The following AFG2A variants were observed in gnomAD, a reference collection of about 807,000 sequenced individuals.
AFG2A encodes ATPase family gene 2 protein homolog A.
the AFG2A span, among the ~76,000 whole-genome samples, chr4:123,051,640 CTTT>C: frequency 3.1e-5 from 3 of 96,070 alleles, no homozygotes; most frequent in Non-Finnish European, 5.7e-5. Context: ...ATTTCCTCAG[CTTT>C]TTTTTTTTTT....
the AFG2A span, among the ~76,000 whole-genome samples, chr4:123,216,001 A>G: frequency 6.6e-6 from 1 of 152,206 alleles, no homozygotes; most frequent in African/African-American, 2.4e-5. Flanking sequence ...TAGGGCAAGT[A>G]TAAAAGGACA....
the AFG2A span, among the ~76,000 whole-genome samples, chr4:123,290,282 T>C: frequency 6.6e-6 from 1 of 152,200 alleles, no homozygotes; most frequent in Non-Finnish European, 1.5e-5. Flanking sequence ...CCCAGACCCA[T>C]GTCCAGCAAT....
the AFG2A span, among the ~76,000 whole-genome samples, chr4:123,245,434 C>G: frequency 0.01 from 1,559 of 152,094 alleles, 29 homozygotes; most frequent in African/African-American, 0.036. Flanking sequence ...CACTTTGCCC[C>G]TATAGTTTTT....
At chr4:123,002,515 C>G in the AFG2A span, among the ~76,000 whole-genome samples, 5 of 152,108 alleles carry the variant, frequency 3.3e-5, no homozygotes, top group South Asian at 6.2e-4. Context: ...GACAAAATCT[C>G]TCAGCATTTG....
At chr4:123,024,612 A>G in the AFG2A span, among the ~76,000 whole-genome samples, 1 of 152,214 alleles carries the variant, frequency 6.6e-6, no homozygotes, top group Non-Finnish European at 1.5e-5. Context: ...CAAAGGAAGG[A>G]CCCTCTACCA....
the AFG2A span, among the ~76,000 whole-genome samples, chr4:123,096,821 T>C: frequency 6.6e-6 from 1 of 152,166 alleles, no homozygotes; most frequent in Admixed American, 6.5e-5. Context: ...TCAGGATTAT[T>C]TTCTATTGTT....
chr4:123,061,332 T>G, the AFG2A span, among the ~76,000 whole-genome samples: 1 of 152,194 alleles, frequency 6.6e-6, no homozygotes, highest in African/African-American at 2.4e-5. Flanking sequence ...GATTAGTCCA[T>G]TTTTATACTA....
At chr4:123,112,691 A>G in the AFG2A span, among the ~76,000 whole-genome samples, 2 of 152,148 alleles carry the variant, frequency 1.3e-5, no homozygotes, top group Admixed American at 6.5e-5. Context: ...TCTGATTCCC[A>G]TTAGCATTGA....
the AFG2A span, among the ~76,000 whole-genome samples, chr4:123,290,030 A>C: frequency 1.3e-5 from 2 of 152,018 alleles, no homozygotes; most frequent in South Asian, 4.2e-4. Flanking sequence ...CAATAGGCCT[A>C]CTTTTTAATG....
chr4:123,279,988 T>A, the AFG2A span, among the ~76,000 whole-genome samples: 1 of 152,220 alleles, frequency 6.6e-6, no homozygotes, highest in Admixed American at 6.5e-5. Context: ...ATTAAGTTAG[T>A]TCGCATTTAT....
chr4:123,212,394 T>C, the AFG2A span, among the ~76,000 whole-genome samples: 1 of 152,158 alleles, frequency 6.6e-6, no homozygotes, highest in African/African-American at 2.4e-5. Flanking sequence ...GTGATTTTTG[T>C]TCTATGCCTT....
the AFG2A span, among the ~76,000 whole-genome samples, chr4:123,111,400 AAGAC>A: frequency 1.3e-5 from 2 of 152,198 alleles, no homozygotes; most frequent in Non-Finnish European, 2.9e-5. Context: ...TCTTTGATGA[AAGAC>A]AGAAACCACA....
At chr4:123,230,255 T>C in the AFG2A span, among the ~76,000 whole-genome samples, 1 of 152,022 alleles carries the variant, frequency 6.6e-6, no homozygotes, top group African/African-American at 2.4e-5. Flanking sequence ...GTCAATTCTC[T>C]CTGCCACTGC....
chr4:123,286,136 G>C, the AFG2A span, among the ~76,000 whole-genome samples: 1 of 152,100 alleles, frequency 6.6e-6, no homozygotes, highest in African/African-American at 2.4e-5. Context: ...TAAGTGAGTT[G>C]AGTTGCATAG....
At chr4:123,022,118 T>C in the AFG2A span, among the ~76,000 whole-genome samples, 186 of 152,122 alleles carry the variant, frequency 1.2e-3, no homozygotes, top group African/African-American at 4.4e-3. Context: ...ATTCAGGACA[T>C]AGGCATGGGT....
the AFG2A span, among the ~76,000 whole-genome samples, chr4:123,084,530 T>G: frequency 6.6e-6 from 1 of 150,656 alleles, no homozygotes; most frequent in Non-Finnish European, 1.5e-5. Flanking sequence ...TAAGTTCTAT[T>G]TATATATTTA....
chr4:123,296,391 G>A, the AFG2A span, among the ~76,000 whole-genome samples: 6 of 152,218 alleles, frequency 3.9e-5, no homozygotes, highest in Admixed American at 2.6e-4. Flanking sequence ...ATGAGATATA[G>A]TAACTAAATG....
chr4:123,150,179 GC>G, the AFG2A span, among the ~76,000 whole-genome samples: 1 of 152,072 alleles, frequency 6.6e-6, no homozygotes, highest in East Asian at 1.9e-4. Context: ...TACTGAATAG[GC>G]AAAAGCTGGA....
chr4:123,029,236 T>A, the AFG2A span, among the ~76,000 whole-genome samples: 1 of 152,164 alleles, frequency 6.6e-6, no homozygotes, highest in East Asian at 1.9e-4. Context: ...TAGCTGGGAC[T>A]ACAGGTGCCT....
Sources: gnomAD v4.1 joint callset for allele counts (sites outside exome capture counted in the v4.1 genomes callset) on GRCh38, gnomAD v4.1.1 for gene constraint, MANE v1.5 for transcripts, NCBI Gene and HGNC (gene_info 2026-07-23, HGNC 2026-07-21) for gene names.